The following TMEM38B variants were observed in gnomAD, a reference collection of about 807,000 sequenced individuals.
TMEM38B encodes transmembrane protein 38B.
Under a neutral mutation model 28.7 loss-of-function variants are expected in TMEM38B, and 24 were observed. The ratio of observed to expected loss-of-function variants is 0.84; its 90% CI spans 0.61 to 1.18. TMEM38B has a LOEUF of 1.18. TMEM38B is among the 50% of genes most tolerant of loss of function. The pLI is 0.00. For missense variants in TMEM38B, 380 were observed against 350.9 expected, an observed-to-expected ratio of 1.08 and a Z score of -0.66; for synonymous variants, 131 against 127.7, an observed-to-expected ratio of 1.03 and a Z score of -0.17.
intron 4 of TMEM38B, among the ~76,000 whole-genome samples, chr9:105,725,706 G>C (rs7846853): frequency 0.23 from 35,474 of 151,866 alleles, 6,805 homozygotes; most frequent in African/African-American, 0.51. Context: ...CATACCTAAA[G>C]AGAAAAGATG....
At chr9:105,749,184 T>C in intron 5 of TMEM38B, 1 of 1,139,446 alleles carries the variant, frequency 8.8e-7, no homozygotes, top group South Asian at 1.4e-5. Flanking sequence ...CCGTGTATAT[T>C]TTTTTCTAAC....
chr9:105,705,901 G>GAT, intron 2 of TMEM38B, 148 bp downstream of exon 2: 1 of 746,356 alleles, frequency 1.3e-6, no homozygotes. Context: ...AATGCTAAGG[G>GAT]GTTTTTTTTT....
At position 105,721,546 on chromosome 9, in the gene TMEM38B, AT is replaced by A; in HGVS notation, c.286del (p.Cys96AlafsTer5). 1.3e-6 allele frequency: 2 copies of A among 1,593,254 alleles called. No individual in the cohort carries two copies. Among genetic ancestry groups the A allele is most frequent in the Non-Finnish European group, 8.5e-7 (1 of 1,170,768 alleles). On this transcript the variant is annotated frameshift_variant, in exon 3 of 6. Transcript: ENST00000374692. LOFTEE classifies it high-confidence loss of function. Reference sequence around the variant, plus strand: ...TACATTTCATTTTCAGGTATATTACATTTTTTTGCCCGCATGACCTAGTTTC... The same window carrying A: ...TACATTTCATTTTCAGGTATATTACATTTTTTGCCCGCATGACCTAGTTTC... Reference protein sequence around the residue: ...LLASSIWYITFFCPHDLVSQG... With the variant: ...LLASSIWYITXFCPHDLVSQG...
rs1588486266 is a variant in TMEM38B, at chr9:105,773,851, C to G, written c.661-14C>G. 1.3e-6 allele frequency: 2 copies of G among 1,588,740 alleles called. No homozygotes were observed. Among genetic ancestry groups the G allele is most frequent in the Non-Finnish European group, 1.7e-6 (2 of 1,167,280 alleles). On this transcript the variant is annotated splice_polypyrimidine_tract_variant and intron_variant, in intron 5 of 5. Transcript: ENST00000374692. ...ATTTGTATTTAAATTCAAAATTAAA[C>G]TTTTTTCCCCCAGATAACCATGATG... is the stretch of plus-strand genomic sequence containing the variant.
chr9:105,730,398 C>T (rs531904055), intron 4 of TMEM38B, among the ~76,000 whole-genome samples: 2 of 152,132 alleles, frequency 1.3e-5, no homozygotes, highest in Non-Finnish European at 1.5e-5. Flanking sequence ...GTTGAACCAG[C>T]CTTGCATCCC....
intron 4 of TMEM38B, among the ~76,000 whole-genome samples, chr9:105,725,079 ACC>A (rs763729419): frequency 1.2e-4 from 18 of 152,080 alleles, no homozygotes; most frequent in Non-Finnish European, 2.2e-4. Flanking sequence ...TTTTGTCACT[ACC>A]TAGAACGATT....
intron 4 of TMEM38B, among the ~76,000 whole-genome samples, chr9:105,738,493 ATTG>A: frequency 6.6e-6 from 1 of 151,324 alleles, no homozygotes; most frequent in East Asian, 1.9e-4. Context: ...GTTGTTATTT[ATTG>A]TTTTGTTTGT....
chr9:105,770,831 G>C (rs1272528698), intron 5 of TMEM38B, among the ~76,000 whole-genome samples: 3 of 152,164 alleles, frequency 2.0e-5, no homozygotes, highest in African/African-American at 7.2e-5. Context: ...GATGAAGAGA[G>C]AGATTAATTG....
intron 5 of TMEM38B, among the ~76,000 whole-genome samples, chr9:105,771,809 T>A (rs1021382915): frequency 7.2e-5 from 11 of 152,204 alleles, no homozygotes; most frequent in Non-Finnish European, 1.6e-4. Context: ...GATAAATGAC[T>A]TCCAGATCTA....
intron 5 of TMEM38B, chr9:105,759,274 G>T: frequency 1.4e-6 from 1 of 735,240 alleles, no homozygotes; most frequent in South Asian, 1.6e-5. Context: ...AGATCCAGTG[G>T]GATACATAGA....
chr9:105,761,541 G>T (rs1838050417), intron 5 of TMEM38B, among the ~76,000 whole-genome samples: 1 of 152,118 alleles, frequency 6.6e-6, no homozygotes, highest in Non-Finnish European at 1.5e-5. Flanking sequence ...AATCTCTTCT[G>T]TAAGGTATTT....
chr9:105,705,901 G>GTT, intron 2 of TMEM38B, 148 bp downstream of exon 2: 10 of 746,296 alleles, frequency 1.3e-5, no homozygotes, highest in East Asian at 9.0e-5. Context: ...AATGCTAAGG[G>GTT]GTTTTTTTTT....
chr9:105,741,481 A>G (rs570860664), intron 4 of TMEM38B, among the ~76,000 whole-genome samples: 1 of 152,338 alleles, frequency 6.6e-6, no homozygotes, highest in South Asian at 2.1e-4. Context: ...TATAAGCAAA[A>G]TGTACATGTA....
intron 5 of TMEM38B, among the ~76,000 whole-genome samples, chr9:105,771,459 T>C (rs546376891): frequency 6.6e-6 from 1 of 152,296 alleles, no homozygotes; most frequent in African/African-American, 2.4e-5. Context: ...AAAATACTTA[T>C]TATAGTTCAT....
Position 105,774,034 on chromosome 9 carries a change from T to C in TMEM38B, c.830T>C (p.Val277Ala), listed in dbSNP as rs1438418762. The change falls in exon 6 of 6, where the codon GTT becomes GCT. Residue 277 changes from valine to alanine, a missense_variant. Val to Ala is a moderately conservative substitution (Grantham distance 64). Coordinates refer to ENST00000374692, the MANE Select transcript of TMEM38B (RefSeq NM_018112.3). ...TCATTGGCCTCAAAGCCGGTAGATG[T>C]TGCCTCAGATAATGTTAAAAAGAAA... ...VGSLASKPVD[V>A]ASDNVKKKHT... is the part of the protein sequence containing the mutation. The C allele has an allele frequency of 6.2e-7, 1 of 1,613,574 alleles. No individual in the cohort carries two copies. The highest frequency in any genetic ancestry group is 1.7e-5 in the Admixed American group (1 of 59,874).
At chr9:105,727,800 A>G (rs1036736787) in intron 4 of TMEM38B, among the ~76,000 whole-genome samples, 6 of 152,128 alleles carry the variant, frequency 3.9e-5, no homozygotes, top group South Asian at 2.1e-4. Context: ...ATGGGGGTGG[A>G]TCCCTCATGA....
chr9:105,765,328 A>G lies in TMEM38B; in HGVS notation c.661-8537A>G, dbSNP rs1462804494. 3.9e-5 allele frequency among the ~76,000 whole-genome samples: 6 copies of G among 152,248 alleles called. No homozygotes were observed. The East Asian group carries it at 9.6e-4, about 24-fold the overall frequency. On this transcript the variant is annotated intron_variant, in intron 5 of 5. Transcript: ENST00000374692. ...AAAAATTTTTAAAAGTCAACTTTTT[A>G]GAAGTATAATTTATGCATATTAAAC...
At chr9:105,704,138 C>T (rs756035065) in intron 1 of TMEM38B, among the ~76,000 whole-genome samples, 3 of 151,780 alleles carry the variant, frequency 2.0e-5, no homozygotes, top group South Asian at 2.1e-4. Flanking sequence ...TGCTAGATGA[C>T]GAGTTAGTGG....
chr9:105,759,989 C>A (rs780418232), intron 5 of TMEM38B: 119 of 1,510,236 alleles, frequency 7.9e-5, no homozygotes, highest in Non-Finnish European at 1.0e-4. Flanking sequence ...GAGTCTAGTG[C>A]TGCAATCAAT....
Sources: gnomAD v4.1 joint callset for allele counts (sites outside exome capture counted in the v4.1 genomes callset) on GRCh38, gnomAD v4.1.1 for gene constraint, MANE v1.5 for transcripts, NCBI Gene and HGNC (gene_info 2026-07-23, HGNC 2026-07-21) for gene names.